Variants in ZGLP1 observed in about 807,000 individuals in gnomAD.
The protein encoded by ZGLP1 is zinc finger GATA like protein 1.
Under a neutral mutation model 21.4 loss-of-function variants are expected in ZGLP1, and 11 were observed. That is an observed-to-expected ratio of 0.51 (90% confidence interval 0.32 to 0.85). ZGLP1 has a LOEUF of 0.85. Ranked by LOEUF, ZGLP1 falls within the 40% of genes least tolerant of loss-of-function variation. The pLI is 0.03. For synonymous variants in ZGLP1, 148 were observed against 145.0 expected (o/e 1.02, Z -0.15); for missense variants, 295 against 355.6 (o/e 0.83, Z 1.37).
rs1449062454 is a variant in ZGLP1, at chr19:10,308,618, C to A, written c.64G>T (p.Gly22Ter). 2 of 1,535,134 alleles carry A rather than the reference C, an allele frequency of 1.3e-6. No homozygotes were observed. The highest frequency in any genetic ancestry group is 2.5e-5 in the South Asian group (2 of 79,226). Residue 22 changes from glycine to a stop codon, truncating the protein, a stop_gained, in exon 1 of 4, where the codon GGA becomes TGA. Transcript: ENST00000403903. LOFTEE classifies it high-confidence loss of function. ...CTGGGTTTAGCCGGCCAGGGGGTTC[C>A]AACTTGGGCCGGCTCTTTGTGTACC...
At chr19:10,308,660 A>ACCC (rs1362055983) in exon 1 of ZGLP1, 2 of 1,498,190 alleles carry the variant, frequency 1.3e-6, no homozygotes. Context: ...CAGGCTACAC[A>ACCC]CCCCACCTGA....
In ZGLP1 at chr19:10,305,536, G is replaced by C; in HGVS notation, c.605-53C>G. ...GGTCAGAGGCCAAGCATGTGAGCTC[G>C]GGATGCCTGTGCGGAGTCGGGCATT... On this transcript the variant is annotated intron_variant, in intron 2 of 3. Transcript: ENST00000403903. The surrounding 1 kb of genome is among the most constrained non-coding windows in gnomAD (Gnocchi z 4.7). 1 of 1,483,242 alleles carries C rather than the reference G, an allele frequency of 6.7e-7. No homozygotes were observed. The highest frequency in any genetic ancestry group is 9.2e-7 in the Non-Finnish European group (1 of 1,081,696). The allele number at this position is 1,483,242 out of a possible 1,614,324, so 91.9% of individuals were successfully genotyped here. A position where few individuals can be genotyped will look rare whatever the true frequency, so the allele number is the denominator to read the frequency against.
chr19:10,305,253 G>A lies in ZGLP1; in HGVS notation c.699-45C>T, dbSNP rs1184889239. 3 of 1,591,466 alleles carry A rather than the reference G, an allele frequency of 1.9e-6. No homozygotes were observed. Among genetic ancestry groups the A allele is most frequent in the South Asian group, 2.2e-5 (2 of 90,582 alleles). On this transcript the variant is annotated intron_variant, in intron 3 of 3. Coordinates refer to ENST00000403903, the Ensembl canonical transcript of ZGLP1. This position sits in a 1 kb window ranked among gnomAD's most constrained non-coding sequence, Gnocchi z 4.7. ...AACTGCCATTTAGGATGCAGTGGGG[G>A]CCCGGAAACCGCCACAAGGAAACCA... is the stretch of plus-strand genomic sequence containing the variant.
At chr19:10,308,137 T>C in intron 1 of ZGLP1, 48 bp downstream of exon 2, 1 of 1,506,342 alleles carries the variant, frequency 6.6e-7, no homozygotes, top group Non-Finnish European at 8.8e-7. Flanking sequence ...CACTGGTGTT[T>C]GCGTTGTAAC....
Position 10,305,549 on chromosome 19 carries a change from G to A in ZGLP1, c.605-66C>T, listed in dbSNP as rs1402949704. Reference sequence around the variant, plus strand: ...GCATGTGAGCTCGGGATGCCTGTGCGGAGTCGGGCATTTTGTGGGGGTCTC... The same window carrying A: ...GCATGTGAGCTCGGGATGCCTGTGCAGAGTCGGGCATTTTGTGGGGGTCTC... On this transcript the variant is annotated intron_variant, in intron 2 of 3. Transcript: ENST00000403903. The surrounding 1 kb of genome is among the most constrained non-coding windows in gnomAD (Gnocchi z 4.7). The A allele has an allele frequency of 2.6e-5, 36 of 1,401,934 alleles. No homozygotes were observed. In the South Asian group the frequency reaches 2.8e-4, roughly 11 times the overall value. The allele number at this position is 1,401,934 out of a possible 1,614,324, so 86.8% of individuals were successfully genotyped here. A position where few individuals can be genotyped will look rare whatever the true frequency, so the allele number is the denominator to read the frequency against.
rs187204692 is a variant in ZGLP1 at position 10,306,149 on chromosome 19, G to A, written c.498-197C>T. 4.7e-4 allele frequency among the ~76,000 whole-genome samples: 72 copies of A among 151,890 alleles called. No homozygotes were observed. In the East Asian group the frequency reaches 0.012, roughly 26 times the overall value. Reference sequence around the variant, plus strand: ...ATTTTTGCAGATGGAGTCTCGCTCTGTTGCCCAGGCTGGAGTGTAGTGGTG... The same window carrying A: ...ATTTTTGCAGATGGAGTCTCGCTCTATTGCCCAGGCTGGAGTGTAGTGGTG... On this transcript the variant is annotated intron_variant, in intron 1 of 3. Coordinates refer to ENST00000403903, the Ensembl canonical transcript of ZGLP1.
exon 1 of ZGLP1, chr19:10,308,437 C>A (rs756814528): frequency 6.2e-7 from 1 of 1,609,824 alleles, no homozygotes; most frequent in Non-Finnish European, 8.5e-7. Context: ...CATCGGGTCC[C>A]AGCAAGGCCC....
Position 10,308,539 on chromosome 19 carries a change from G to A in ZGLP1, c.143C>T (p.Pro48Leu), listed in dbSNP as rs529422822. ...GGCGGTGACCGACTCCTGGCATGCAGGCCAGAGGGACCTGGGGAGAAGGGC... is the reference window on the plus strand; with the variant it reads ...GGCGGTGACCGACTCCTGGCATGCAAGCCAGAGGGACCTGGGGAGAAGGGC... Residue 48 changes from proline to leucine, a missense_variant, in exon 1 of 4, where the codon CCT (proline) becomes CTT (leucine). Around this residue, in one of 2 missense-constraint regions of ZGLP1, gnomAD observed 252 missense variants for 264.0 expected, o/e 0.95. Transcript: ENST00000403903. The A allele has an allele frequency of 1.4e-5, 22 of 1,606,366 alleles. 1 individual carries two copies. The South Asian group carries it at 2.2e-4, about 16-fold the overall frequency.
At chr19:10,307,102 C>T (rs999840097) in intron 1 of ZGLP1, among the ~76,000 whole-genome samples, 1 of 151,102 alleles carries the variant, frequency 6.6e-6, no homozygotes, top group Non-Finnish European at 1.5e-5. Context: ...TCATTGCACT[C>T]CAGCCTGAAC....
rs1042109925 is a variant in ZGLP1 at position 10,305,034 on chromosome 19, A to G, written c.*57T>C. The G allele has an allele frequency of 8.1e-6, 11 of 1,351,028 alleles. No individual in the cohort carries two copies. The highest frequency in any genetic ancestry group is 1.1e-5 in the Non-Finnish European group (10 of 944,084). The allele number at this position is 1,351,028 out of a possible 1,614,324, so 83.7% of individuals were successfully genotyped here. ...CCTCCTAGGAGAGCTGCTTCTGCCC[A>G]TTCTCCCACTGGTGAAACGGAGGCA... On this transcript the variant is annotated 3_prime_UTR_variant, in exon 4 of 4. Coordinates refer to ENST00000403903, the Ensembl canonical transcript of ZGLP1. This position sits in a 1 kb window ranked among gnomAD's most constrained non-coding sequence, Gnocchi z 4.7.
exon 4 of ZGLP1, chr19:10,304,934 T>C: frequency 1.6e-6 from 1 of 643,672 alleles, no homozygotes. Context: ...CTCTGCCACC[T>C]GAGGCCTGGG....
At position 10,308,182 on chromosome 19, in the gene ZGLP1, T is replaced by A; in HGVS notation, c.497+3A>T. On this transcript the variant is annotated splice_donor_region_variant and intron_variant, in intron 1 of 3. Transcript: ENST00000403903. Reference sequence around the variant, plus strand: ...GGGCGGCCTGGCCCCAGCCGGCCCCTACCTGTACGTGGGGATGATCTGCAG... The same window carrying A: ...GGGCGGCCTGGCCCCAGCCGGCCCCAACCTGTACGTGGGGATGATCTGCAG... 6.6e-7 allele frequency: 1 copy of A among 1,525,848 alleles called. No homozygotes were observed. The highest frequency in any genetic ancestry group is 8.8e-7 in the Non-Finnish European group (1 of 1,137,632). The allele number at this position is 1,525,848 out of a possible 1,614,324, so 94.5% of individuals were successfully genotyped here. A position where few individuals can be genotyped will look rare whatever the true frequency, so the allele number is the denominator to read the frequency against.
rs768110963 is a variant in ZGLP1 at position 10,305,426 on chromosome 19, T to C, written c.662A>G (p.Glu221Gly). Reference sequence around the variant, plus strand: ...GGCGTTGCAGAGAGGGGTCCCATCTTCAGCGTCTCTCCAGAGCGGGGTCCT... The same window carrying C: ...GGCGTTGCAGAGAGGGGTCCCATCTCCAGCGTCTCTCCAGAGCGGGGTCCT... Residue 221 changes from glutamate (E) to glycine (G), a missense_variant, in exon 3 of 4, where the codon GAA becomes GGA. Physicochemically the swap from Glu to Gly is moderately conservative, Grantham distance 98. This residue lies in a region of ZGLP1 where 43 missense variants were observed against 91.7 expected (regional missense o/e 0.47). Coordinates refer to ENST00000403903, the Ensembl canonical transcript of ZGLP1. This position sits in a 1 kb window ranked among gnomAD's most constrained non-coding sequence, Gnocchi z 4.7. 8.7e-6 allele frequency: 14 copies of C among 1,600,986 alleles called. No homozygotes were observed. The Admixed American group carries it at 2.4e-4, about 28-fold the overall frequency.
chr19:10,305,735 A>T lies in ZGLP1; in HGVS notation c.604+111T>A. 1 of 914,504 alleles carries T rather than the reference A, an allele frequency of 1.1e-6. No homozygotes were observed. Among genetic ancestry groups the T allele is most frequent in the South Asian group, 1.4e-5 (1 of 70,566 alleles). The allele number at this position is 914,504 out of a possible 1,614,324, so 56.6% of individuals were successfully genotyped here. The stretch of plus-strand genomic sequence containing the variant: ...AGGGGGGTGCTGCGACTCCTCCCTG[A>T]GGGCTCTAAATGGGGAAGCAAGATG... On this transcript the variant is annotated intron_variant, in intron 2 of 3. Coordinates refer to ENST00000403903, the Ensembl canonical transcript of ZGLP1. The surrounding 1 kb of genome is among the most constrained non-coding windows in gnomAD (Gnocchi z 4.7).
At chr19:10,306,995 G>A (rs2040283039) in intron 1 of ZGLP1, among the ~76,000 whole-genome samples, 1 of 151,962 alleles carries the variant, frequency 6.6e-6, no homozygotes, top group East Asian at 1.9e-4. Context: ...TTAGCCAGGC[G>A]TGGTAGCAGG....
At chr19:10,309,066 C>G (rs1346768646) in exon 1 of ZGLP1, 1 of 164,254 alleles carries the variant, frequency 6.1e-6, no homozygotes. Context: ...AATATGATTA[C>G]GATTTTTATC....
chr19:10,308,237 G>A, exon 1 of ZGLP1: 1 of 1,578,314 alleles, frequency 6.3e-7, no homozygotes. Flanking sequence ...TGAAACTTCA[G>A]AGTCACCCCC....
exon 1 of ZGLP1, chr19:10,308,279 G>T: frequency 6.2e-7 from 1 of 1,607,964 alleles, no homozygotes. Context: ...TCGGTGCCCC[G>T]GCAGGGGTTC....
chr19:10,308,483 G>A, exon 1 of ZGLP1: 1 of 1,611,978 alleles, frequency 6.2e-7, no homozygotes, highest in Non-Finnish European at 8.5e-7. Flanking sequence ...GACTGACCCA[G>A]CCTCTCCACT....
Sources: gnomAD v4.1 joint callset for allele counts (sites outside exome capture counted in the v4.1 genomes callset) on GRCh38, gnomAD v4.1.1 for gene constraint, gnomAD v4.1.1 regional missense constraint, Gnocchi (gnomAD v3.1) non-coding constraint, MANE v1.5 for transcripts, NCBI Gene and HGNC (gene_info 2026-07-23, HGNC 2026-07-21) for gene names.